Variants in AGPS observed in about 807,000 individuals in gnomAD.
AGPS encodes alkyldihydroxyacetonephosphate synthase, peroxisomal.
Under a neutral mutation model 90.7 loss-of-function variants are expected in AGPS, and 26 were observed. The observed-to-expected ratio is 0.29, with a 90% CI of 0.21 to 0.40. AGPS has a LOEUF of 0.40. Ranked by LOEUF, AGPS falls within the 10% of genes least tolerant of loss-of-function variation. The probability of loss-of-function intolerance (pLI) is 1.00; values close to 1 mark genes in which losing one functional copy is unlikely to be tolerated. For missense variants in AGPS, 540 were observed against 816.1 expected, an observed-to-expected ratio of 0.66 and a Z score of 4.12; for synonymous variants, 294 against 285.3, an observed-to-expected ratio of 1.03 and a Z score of -0.31.
intron 18 of AGPS, among the ~76,000 whole-genome samples, chr2:177,521,852 A>G (rs1689201979): frequency 6.6e-6 from 1 of 152,140 alleles, no homozygotes. Flanking sequence ...AGAGTGTCAA[A>G]CTGTTTATTT....
rs753942749 is a variant in AGPS at position 177,440,982 on chromosome 2, G to T, written c.655G>T (p.Val219Phe). 2.5e-6 allele frequency: 4 copies of T among 1,612,518 alleles called. No individual in the cohort carries two copies. In the African/African-American group the frequency reaches 5.3e-5, roughly 22 times the overall value. Residue 219 changes from valine (V) to phenylalanine (F), a missense_variant, in exon 6 of 20, where the codon GTT becomes TTT. By Grantham distance (50) the Val-to-Phe change is conservative. Coordinates refer to ENST00000264167, the MANE Select transcript of AGPS (RefSeq NM_003659.4). ...VLWPTCHDDV[V>F]KIVNLACKYN... ...TTCAACAGCATGCCATGATGATGTAGTTAAGATTGTGAATCTAGCTTGCAA... is the reference window on the plus strand; with the variant it reads ...TTCAACAGCATGCCATGATGATGTATTTAAGATTGTGAATCTAGCTTGCAA...
chr2:177,505,052 G>T (rs141117902), intron 14 of AGPS, among the ~76,000 whole-genome samples: 1 of 151,858 alleles, frequency 6.6e-6, no homozygotes, highest in South Asian at 2.1e-4. Context: ...AGTATGTTTT[G>T]TCTCTCATTT....
intron 19 of AGPS, among the ~76,000 whole-genome samples, chr2:177,531,922 G>A (rs1471393073): frequency 1.3e-5 from 2 of 151,782 alleles, no homozygotes; most frequent in African/African-American, 2.4e-5. Flanking sequence ...AGTACTGGGC[G>A]GAGGGGGCGG....
At chr2:177,440,186 A>G (rs1241692156) in intron 5 of AGPS, among the ~76,000 whole-genome samples, 1 of 152,118 alleles carries the variant, frequency 6.6e-6, no homozygotes, top group Non-Finnish European at 1.5e-5. Flanking sequence ...GTTGAAATTA[A>G]TAGGTATTTA....
At chr2:177,434,230 G>A (rs1686331144) in intron 2 of AGPS, 97 bp from the exon 3 acceptor site, 3 of 822,930 alleles carry the variant, frequency 3.6e-6, no homozygotes. Flanking sequence ...GTGTTGGTTT[G>A]ATAGTAGCTG....
intron 11 of AGPS, among the ~76,000 whole-genome samples, chr2:177,490,721 A>AT (rs1377636861): frequency 6.6e-6 from 1 of 152,070 alleles, no homozygotes; most frequent in Non-Finnish European, 1.5e-5. Context: ...CATACAGAAA[A>AT]TTTGAAAGAC....
chr2:177,411,429 G>A (rs1685617293), intron 1 of AGPS, among the ~76,000 whole-genome samples: 1 of 152,150 alleles, frequency 6.6e-6, no homozygotes, highest in African/African-American at 2.4e-5. Flanking sequence ...GTTAGTAAAT[G>A]TCTGCAGCAC....
chr2:177,530,566 CT>C (rs1055677157), intron 19 of AGPS, among the ~76,000 whole-genome samples: 3 of 152,210 alleles, frequency 2.0e-5, no homozygotes, highest in African/African-American at 7.2e-5. Flanking sequence ...TGTCATGACA[CT>C]CTCAGTACCA....
intron 2 of AGPS, among the ~76,000 whole-genome samples, chr2:177,421,314 T>G (rs1685933246): frequency 6.6e-6 from 1 of 152,090 alleles, no homozygotes; most frequent in African/African-American, 2.4e-5. Flanking sequence ...TAATATCTAT[T>G]GGACATTACT....
At chr2:177,480,736 TA>T (rs1687920154) in intron 10 of AGPS, among the ~76,000 whole-genome samples, 2 of 151,574 alleles carry the variant, frequency 1.3e-5, no homozygotes, top group Admixed American at 1.3e-4. Context: ...TAAAAGTATA[TA>T]TATATAAATT....
intron 1 of AGPS, among the ~76,000 whole-genome samples, chr2:177,409,232 T>G (rs1574344664): frequency 1.2e-5 from 1 of 81,414 alleles, no homozygotes; most frequent in Non-Finnish European, 2.1e-5. Flanking sequence ...TTTTGTTTTG[T>G]TTTTTTTTCT....
intron 18 of AGPS, among the ~76,000 whole-genome samples, chr2:177,522,033 C>A (rs901272709): frequency 6.6e-6 from 1 of 152,022 alleles, no homozygotes; most frequent in Non-Finnish European, 1.5e-5. Context: ...ACTTTTAGAC[C>A]CAAACTATAG....
intron 7 of AGPS, 38 bp downstream of exon 7, chr2:177,442,524 T>C: frequency 6.8e-7 from 1 of 1,468,160 alleles, no homozygotes; most frequent in Non-Finnish European, 9.5e-7. Flanking sequence ...AACATTTTCT[T>C]TATTGGCTCC....
chr2:177,507,937 AGTT>A, intron 15 of AGPS, 30 bp from the exon 16 acceptor site: 1 of 1,411,920 alleles, frequency 7.1e-7, no homozygotes, highest in South Asian at 1.2e-5. Context: ...CATCTGTTGT[AGTT>A]TCTTGATTTT....
intron 13 of AGPS, among the ~76,000 whole-genome samples, chr2:177,499,345 T>C (rs1053186629): frequency 6.6e-6 from 1 of 151,928 alleles, no homozygotes; most frequent in African/African-American, 2.4e-5. Flanking sequence ...TTATTTGTTG[T>C]ATTTACATAA....
At chr2:177,431,696 C>G (rs1671815823) in intron 2 of AGPS, among the ~76,000 whole-genome samples, 1 of 152,162 alleles carries the variant, frequency 6.6e-6, no homozygotes, top group Non-Finnish European at 1.5e-5. Flanking sequence ...TATAGGCTCT[C>G]TGCAAGAAGA....
chr2:177,445,594 G>T lies in AGPS; in HGVS notation c.838G>T (p.Ala280Ser). 1 of 1,613,158 alleles carries T rather than the reference G, an allele frequency of 6.2e-7. No homozygotes were observed. The highest frequency in any genetic ancestry group is 8.5e-7 in the Non-Finnish European group (1 of 1,179,448). Residue 280 changes from alanine to serine, a missense_variant, in exon 8 of 20, where the codon GCT (alanine) becomes TCT (serine). Transcript: ENST00000264167. ...GAACAATTTGACAGCTCATGTAGAG[G>T]CTGGCATAACAGGACAAGAGTTGGA... ...DENNLTAHVE[A>S]GITGQELERQ...
Position 177,417,420 on chromosome 2 carries a change from GA to G in AGPS, c.261-2846del, listed in dbSNP as rs200654990. 3.4e-3 allele frequency among the ~76,000 whole-genome samples: 517 copies of G among 152,280 alleles called. 4 individuals carry two copies. Among genetic ancestry groups the G allele is most frequent in the African/African-American group, 0.012 (494 of 41,546 alleles). On this transcript the variant is annotated intron_variant, in intron 1 of 19. Coordinates refer to ENST00000264167, the MANE Select transcript of AGPS (RefSeq NM_003659.4). ...ATATTCCAGAATCTGAAAAATATCT[GA>G]AATCTGAAACACTTCTGGTCCCAAG...
rs1400669674 is a variant in AGPS at position 177,542,301 on chromosome 2, T to C, written c.*4106T>C. 5 of 152,186 alleles carry C rather than the reference T, an allele frequency of 3.3e-5. No individual in the cohort carries two copies. The highest frequency in any genetic ancestry group is 7.4e-5 in the Non-Finnish European group (5 of 68,024). The allele number at this position is 152,186 out of a possible 1,614,324, so 9.4% of individuals were successfully genotyped here. A position where few individuals can be genotyped will look rare whatever the true frequency, so the allele number is the denominator to read the frequency against. On this transcript the variant is annotated 3_prime_UTR_variant, in exon 20 of 20. Coordinates refer to ENST00000264167, the MANE Select transcript of AGPS (RefSeq NM_003659.4). ...TAATCATTTTTTAAAATCAATGCTGTATTCCCAGGAGGCTTTGAGACTCCT... is the reference window on the plus strand; with the variant it reads ...TAATCATTTTTTAAAATCAATGCTGCATTCCCAGGAGGCTTTGAGACTCCT...
Sources: gnomAD v4.1 joint callset for allele counts (sites outside exome capture counted in the v4.1 genomes callset) on GRCh38, gnomAD v4.1.1 for gene constraint, MANE v1.5 for transcripts, NCBI Gene and HGNC (gene_info 2026-07-23, HGNC 2026-07-21) for gene names.